Variants in ASTN2 observed in about 807,000 individuals in gnomAD.
The protein encoded by ASTN2 is astrotactin-2.
Under a neutral mutation model 139.8 loss-of-function variants are expected in ASTN2, and 54 were observed. The observed-to-expected ratio is 0.39, with a 90% CI of 0.31 to 0.48. The LOEUF (loss-of-function observed/expected upper bound fraction) is 0.48. ASTN2 is among the 20% of genes least tolerant of loss of function. The pLI is 0.95. For missense variants in ASTN2, 1,565 were observed against 1,725.1 expected (o/e 0.91, Z 1.64); for synonymous variants, 756 against 719.5 (o/e 1.05, Z -0.81).
intron 19 of ASTN2, among the ~76,000 whole-genome samples, chr9:116,588,002 T>C (rs887941659): frequency 1.3e-5 from 2 of 152,180 alleles, no homozygotes; most frequent in Admixed American, 6.5e-5. Flanking sequence ...GTATTTTTTA[T>C]TGTCATTTAG....
intron 3 of ASTN2, among the ~76,000 whole-genome samples, chr9:117,159,632 T>C (rs1830504473): frequency 6.6e-6 from 1 of 152,088 alleles, no homozygotes; most frequent in Non-Finnish European, 1.5e-5. Context: ...ATCTACTGTA[T>C]ATCAGGTGCT....
At chr9:116,765,753 A>G (rs1257823155) in intron 13 of ASTN2, among the ~76,000 whole-genome samples, 1 of 152,168 alleles carries the variant, frequency 6.6e-6, no homozygotes, top group African/African-American at 2.4e-5. Context: ...AAAAAAGACA[A>G]GTGTACACTG....
rs77635318 is a variant in ASTN2 at position 116,565,111 on chromosome 9, C to T, written c.3355+53213G>A. Among the ~76,000 whole-genome samples, 128 of 151,558 alleles carry T rather than the reference C, an allele frequency of 8.4e-4. 2 individuals are homozygous for T. In the East Asian group the frequency reaches 0.024, roughly 28 times the overall value. On this transcript the variant is annotated intron_variant, in intron 19 of 22. Coordinates refer to ENST00000313400, the MANE Select transcript of ASTN2 (RefSeq NM_001365068.1). Reference sequence around the variant, plus strand: ...AGTCTATTTCATATATTTTCCATCCCAACCTAGTGTGATTCATATGTTTTC... The same window carrying T: ...AGTCTATTTCATATATTTTCCATCCTAACCTAGTGTGATTCATATGTTTTC...
intron 16 of ASTN2, among the ~76,000 whole-genome samples, chr9:116,662,125 G>C (rs897205549): frequency 1.3e-5 from 2 of 152,042 alleles, no homozygotes; most frequent in Non-Finnish European, 2.9e-5. Flanking sequence ...TTGAGTACAA[G>C]TAGAGGAGCT....
chr9:116,859,535 A>G (rs1832824203), intron 11 of ASTN2, among the ~76,000 whole-genome samples: 1 of 152,230 alleles, frequency 6.6e-6, no homozygotes, highest in South Asian at 2.1e-4. Context: ...AGCATCTGTG[A>G]TCTGTTAGAG....
chr9:117,366,585 A>G (rs1829850248), intron 1 of ASTN2, among the ~76,000 whole-genome samples: 1 of 152,034 alleles, frequency 6.6e-6, no homozygotes, highest in Admixed American at 6.6e-5. Context: ...CACAGGAATG[A>G]GCCCTTATTG....
intron 10 of ASTN2, among the ~76,000 whole-genome samples, chr9:116,973,249 GTAA>G (rs981712010): frequency 1.3e-5 from 2 of 152,134 alleles, no homozygotes; most frequent in African/African-American, 4.8e-5. Flanking sequence ...ATGTAAGAAT[GTAA>G]TAATATTAGT....
intron 3 of ASTN2, among the ~76,000 whole-genome samples, chr9:117,163,467 T>G (rs547880569): frequency 6.6e-6 from 1 of 152,198 alleles, no homozygotes; most frequent in South Asian, 2.1e-4. Context: ...TGTGACTGCA[T>G]CACATGGGCC....
intron 7 of ASTN2, among the ~76,000 whole-genome samples, chr9:116,997,968 T>C (rs1038845633): frequency 1.2e-4 from 19 of 152,222 alleles, no homozygotes; most frequent in African/African-American, 4.6e-4. Context: ...CTGCATTGAA[T>C]GGATTAATCT....
rs764482726 is a variant in ASTN2, at chr9:117,291,398, G to T, written c.558C>A (p.Ala186=). 43 of 1,614,124 alleles carry T rather than the reference G, an allele frequency of 2.7e-5. No homozygotes were observed. The highest frequency in any genetic ancestry group is 3.5e-5 in the Non-Finnish European group (41 of 1,180,040). ...SMSSSGQLAQ[A]TAPTLQEPSE... is the part of the protein sequence containing the mutation. ...AGGGCTCCTGGAGAGTGGGGGCGGT[G>T]GCTTGGGCCAGCTGCCCGGAGCTGC... Residue 186 remains alanine (A), a synonymous_variant, in exon 2 of 23, where the codon GCC becomes GCA. Coordinates refer to ENST00000313400, the MANE Select transcript of ASTN2 (RefSeq NM_001365068.1).
At chr9:116,745,264 G>T (rs1191612850) in intron 13 of ASTN2, among the ~76,000 whole-genome samples, 1 of 152,124 alleles carries the variant, frequency 6.6e-6, no homozygotes, top group South Asian at 2.1e-4. Flanking sequence ...GTCCTGTTTC[G>T]ACTTGTGCAT....
At chr9:116,623,297 T>C (rs1218033792) in intron 17 of ASTN2, among the ~76,000 whole-genome samples, 1 of 152,014 alleles carries the variant, frequency 6.6e-6, no homozygotes, top group East Asian at 1.9e-4. Context: ...AGGCAGTTCT[T>C]GGGAAGAAAT....
chr9:117,124,108 T>C (rs1829627438), intron 4 of ASTN2, among the ~76,000 whole-genome samples: 1 of 152,200 alleles, frequency 6.6e-6, no homozygotes, highest in African/African-American at 2.4e-5. Flanking sequence ...CAGGTCTCAG[T>C]TTCTCACTTG....
chr9:117,274,602 A>G (rs1258122643), intron 2 of ASTN2, among the ~76,000 whole-genome samples: 1 of 152,242 alleles, frequency 6.6e-6, no homozygotes, highest in Non-Finnish European at 1.5e-5. Context: ...CAAAGTCAAG[A>G]AAACAGAATA....
rs185351285 is a variant in ASTN2 at position 117,279,698 on chromosome 9, C to T, written c.630+11628G>A. On this transcript the variant is annotated intron_variant, in intron 2 of 22. Coordinates refer to ENST00000313400, the MANE Select transcript of ASTN2 (RefSeq NM_001365068.1). ...GAGCTCTTGTGTACTCTTCACTCAG[C>T]TTCCCCCAATGTCAACATTTTTCAT... 2.2e-3 allele frequency among the ~76,000 whole-genome samples: 329 copies of T among 152,294 alleles called. 3 individuals are homozygous for T. Among genetic ancestry groups the T allele is most frequent in the African/African-American group, 7.7e-3 (321 of 41,558 alleles).
intron 17 of ASTN2, among the ~76,000 whole-genome samples, chr9:116,642,978 T>C (rs1857412697): frequency 6.6e-6 from 1 of 152,182 alleles, no homozygotes; most frequent in Admixed American, 6.5e-5. Flanking sequence ...CACAAAAGCT[T>C]TGGACTCAGA....
At chr9:116,930,837 A>G (rs1346929722) in intron 10 of ASTN2, among the ~76,000 whole-genome samples, 1 of 151,942 alleles carries the variant, frequency 6.6e-6, no homozygotes, top group East Asian at 1.9e-4. Context: ...ACAACTACCC[A>G]CTTCCCCCGC....
intron 1 of ASTN2, among the ~76,000 whole-genome samples, chr9:117,406,856 TAACA>T (rs983312607): frequency 1.7e-4 from 17 of 97,166 alleles, no homozygotes; most frequent in Non-Finnish European, 3.1e-4. Flanking sequence ...CATTGTCCCC[TAACA>T]CACACACACA....
chr9:116,873,581 A>T (rs945125504), intron 10 of ASTN2, among the ~76,000 whole-genome samples: 1 of 152,244 alleles, frequency 6.6e-6, no homozygotes, highest in Non-Finnish European at 1.5e-5. Context: ...TTGGCTTAAC[A>T]TAGATTATCT....
Sources: allele counts gnomAD v4.1 joint callset (sites outside exome capture counted in the v4.1 genomes callset), GRCh38; gene constraint gnomAD v4.1.1; transcripts MANE v1.5; gene names NCBI Gene and HGNC (gene_info 2026-07-23, HGNC 2026-07-21).